Variants in NR2F1-AS1 observed in about 807,000 individuals in gnomAD.
NR2F1-AS1 encodes the protein NR2F1 regulatory antisense RNA 1.
chr5:93,585,233 G>A, upstream of NR2F1-AS1: 5 of 1,554,388 alleles, frequency 3.2e-6, no homozygotes, highest in Non-Finnish European at 4.3e-6. Context: ...CGGGGGACAA[G>A]GGCCAGGGCC....
At chr5:93,580,148 G>C (rs1469458346) in intron 1 of NR2F1-AS1, among the ~76,000 whole-genome samples, 1 of 152,246 alleles carries the variant, frequency 6.6e-6, no homozygotes, top group East Asian at 1.9e-4. Flanking sequence ...CCGGGCATCC[G>C]TTTCCCGCCT....
At chr5:93,468,204 G>C (rs984864357) in intron 4 of NR2F1-AS1, among the ~76,000 whole-genome samples, 2 of 152,086 alleles carry the variant, frequency 1.3e-5, no homozygotes, top group Non-Finnish European at 2.9e-5. Context: ...GGTATTTCTA[G>C]TTCTAGATCC....
intron 2 of NR2F1-AS1, among the ~76,000 whole-genome samples, chr5:93,556,252 A>C (rs2149915869): frequency 6.6e-6 from 1 of 152,306 alleles, no homozygotes; most frequent in East Asian, 1.9e-4. Context: ...TAATTTATTG[A>C]AAACCATCTT....
chr5:93,440,976 A>G (rs368903978), intron 4 of NR2F1-AS1, among the ~76,000 whole-genome samples: 8 of 152,346 alleles, frequency 5.3e-5, no homozygotes, highest in South Asian at 2.1e-4. Flanking sequence ...TTAAACTTCC[A>G]AAATACAAAT....
chr5:93,431,763 T>G (rs1165590822), intron 4 of NR2F1-AS1, among the ~76,000 whole-genome samples: 1 of 152,238 alleles, frequency 6.6e-6, no homozygotes, highest in Admixed American at 6.5e-5. Context: ...TTTGTATTCA[T>G]GGAGTACATG....
chr5:93,502,897 C>T (rs1383092127), intron 4 of NR2F1-AS1, among the ~76,000 whole-genome samples: 2 of 152,058 alleles, frequency 1.3e-5, no homozygotes, highest in Non-Finnish European at 2.9e-5. Flanking sequence ...AATAGTATGC[C>T]TGCATTTATC....
At chr5:93,550,762 A>G (rs1752208334) in intron 4 of NR2F1-AS1, among the ~76,000 whole-genome samples, 1 of 152,222 alleles carries the variant, frequency 6.6e-6, no homozygotes, top group South Asian at 2.1e-4. Flanking sequence ...CCTGAAATAA[A>G]GAGCTGATTA....
chr5:93,468,099 G>T (rs1750280271), intron 4 of NR2F1-AS1, among the ~76,000 whole-genome samples: 1 of 152,164 alleles, frequency 6.6e-6, no homozygotes, highest in African/African-American at 2.4e-5. Flanking sequence ...ATTGTGAATA[G>T]TGCCGCAATA....
intron 4 of NR2F1-AS1, among the ~76,000 whole-genome samples, chr5:93,421,892 T>C (rs890964238): frequency 6.6e-6 from 1 of 152,212 alleles, no homozygotes; most frequent in Non-Finnish European, 1.5e-5. Context: ...TAAATTTTAA[T>C]GGTGAAAGTA....
At chr5:93,500,478 A>C (rs1034192479) in intron 4 of NR2F1-AS1, among the ~76,000 whole-genome samples, 1 of 152,116 alleles carries the variant, frequency 6.6e-6, no homozygotes, top group Non-Finnish European at 1.5e-5. Context: ...GGAAAAAAAA[A>C]AAGATTCCTC....
intron 4 of NR2F1-AS1, among the ~76,000 whole-genome samples, chr5:93,416,595 T>C (rs779724353): frequency 1.6e-4 from 25 of 152,190 alleles, no homozygotes; most frequent in Non-Finnish European, 1.8e-4. Context: ...TTACCTTATA[T>C]TATCTCATTT....
chr5:93,530,318 G>T (rs531037776), intron 4 of NR2F1-AS1, among the ~76,000 whole-genome samples: 2 of 152,070 alleles, frequency 1.3e-5, no homozygotes, highest in African/African-American at 4.8e-5. Flanking sequence ...TCCTGACCTC[G>T]TGATCCGCCT....
intron 4 of NR2F1-AS1, among the ~76,000 whole-genome samples, chr5:93,539,488 T>C (rs897780232): frequency 3.9e-5 from 6 of 151,994 alleles, no homozygotes; most frequent in African/African-American, 1.5e-4. Flanking sequence ...TCAAGTTAAG[T>C]GAAATAAGCC....
chr5:93,548,503 A>G (rs1317990880), intron 4 of NR2F1-AS1, among the ~76,000 whole-genome samples: 1 of 152,196 alleles, frequency 6.6e-6, no homozygotes, highest in African/African-American at 2.4e-5. Flanking sequence ...TTACAGCTCC[A>G]GTTCAGTTTA....
chr5:93,518,393 AC>A (rs953249861), intron 4 of NR2F1-AS1, among the ~76,000 whole-genome samples: 2 of 152,056 alleles, frequency 1.3e-5, no homozygotes, highest in Non-Finnish European at 2.9e-5. Flanking sequence ...TTTGTATGGA[AC>A]CTTACAGTTT....
chr5:93,479,594 CA>C (rs1228209989), intron 4 of NR2F1-AS1, among the ~76,000 whole-genome samples: 3 of 152,056 alleles, frequency 2.0e-5, no homozygotes, highest in Non-Finnish European at 4.4e-5. Context: ...TTACGGTATT[CA>C]AAATGTCCAG....
chr5:93,412,641 C>T (rs1748880623), intron 4 of NR2F1-AS1, among the ~76,000 whole-genome samples: 2 of 152,214 alleles, frequency 1.3e-5, no homozygotes, highest in South Asian at 4.1e-4. Context: ...TTCCTACAAA[C>T]TGGATTTCGG....
At chr5:93,468,808 T>C (rs1158004529) in intron 4 of NR2F1-AS1, among the ~76,000 whole-genome samples, 1 of 152,212 alleles carries the variant, frequency 6.6e-6, no homozygotes, top group Non-Finnish European at 1.5e-5. Context: ...TAATCCATCT[T>C]GAGTTAATTT....
intron 4 of NR2F1-AS1, among the ~76,000 whole-genome samples, chr5:93,469,648 T>G (rs1750324527): frequency 1.3e-5 from 2 of 152,086 alleles, no homozygotes. Context: ...GCACCATGCC[T>G]TCCTTGCACA....
Sources: gnomAD v4.1 joint callset for allele counts (sites outside exome capture counted in the v4.1 genomes callset) on GRCh38, gnomAD v4.1.1 for gene constraint, MANE v1.5 for transcripts, NCBI Gene and HGNC (gene_info 2026-07-23, HGNC 2026-07-21) for gene names.